The following NSG1 variants were observed in gnomAD, a reference collection of about 807,000 sequenced individuals.
NSG1 encodes the protein neuronal vesicle trafficking associated 1, also known as neuronal vesicle trafficking-associated protein 1.
A neutral mutation model predicts 19.3 loss-of-function variants in NSG1; 9 were observed. The ratio of observed to expected loss-of-function variants is 0.47; its 90% CI spans 0.28 to 0.81. NSG1 has a LOEUF of 0.81. NSG1 is among the 40% of genes least tolerant of loss of function. The probability of loss-of-function intolerance (pLI) is 0.11; values close to 1 mark genes in which losing one functional copy is unlikely to be tolerated. For missense variants in NSG1, 236 were observed against 242.4 expected, an observed-to-expected ratio of 0.97 and a Z score of 0.18; for synonymous variants, 104 against 107.0, an observed-to-expected ratio of 0.97 and a Z score of 0.17.
chr4:4,406,926 C>T (rs1380447122), intron 3 of NSG1, among the ~76,000 whole-genome samples: 1 of 152,230 alleles, frequency 6.6e-6, no homozygotes, highest in Non-Finnish European at 1.5e-5. Context: ...CCTCAGACGG[C>T]TGCGCCTTCT....
At chr4:4,403,523 C>G (rs1723681939) in intron 3 of NSG1, among the ~76,000 whole-genome samples, 1 of 152,210 alleles carries the variant, frequency 6.6e-6, no homozygotes, top group African/African-American at 2.4e-5. Context: ...CCCTCTGCTC[C>G]CCTGCTAGGA....
chr4:4,397,129 ATCT>A (rs1479433967), intron 3 of NSG1, among the ~76,000 whole-genome samples: 1 of 148,268 alleles, frequency 6.7e-6, no homozygotes, highest in Non-Finnish European at 1.5e-5. Context: ...GTCGGGATTC[ATCT>A]TCTTTTTCCA....
rs571185906 is a variant in NSG1, at chr4:4,416,143, C to T, written c.358-1092C>T. The T allele has an allele frequency of 1.2e-3, 829 of 702,300 alleles. 6 individuals are homozygous for T. Among genetic ancestry groups the T allele is most frequent in the South Asian group, 6.5e-3 (439 of 67,566 alleles). 43.5% of individuals were successfully genotyped at this position (702,300 alleles called of 1,614,324 possible). A position where few individuals can be genotyped will look rare whatever the true frequency, so the allele number is the denominator to read the frequency against. On this transcript the variant is annotated intron_variant, in intron 4 of 4. Coordinates refer to ENST00000621129, the MANE Select transcript of NSG1 (RefSeq NM_014392.5). ...CAACACGGTGGTGTGACTCATTGGC[C>T]GCATTTTATAGGTGAGGGACCTGAG...
At chr4:4,396,868 TC>T (rs1409211980) in intron 3 of NSG1, among the ~76,000 whole-genome samples, 7 of 151,564 alleles carry the variant, frequency 4.6e-5, no homozygotes, top group Non-Finnish European at 7.4e-5. Context: ...TGGGGGTTCT[TC>T]CCGTGGGGGT....
intron 3 of NSG1, among the ~76,000 whole-genome samples, chr4:4,402,616 C>G (rs377484793): frequency 1.3e-4 from 20 of 151,872 alleles, no homozygotes; most frequent in African/African-American, 4.8e-4. Flanking sequence ...TCTCGATCTC[C>G]TGACCTCGTG....
intron 4 of NSG1, among the ~76,000 whole-genome samples, chr4:4,414,907 G>A (rs1017825666): frequency 6.6e-6 from 1 of 151,928 alleles, no homozygotes; most frequent in African/African-American, 2.4e-5. Flanking sequence ...GGGTGAAAAA[G>A]GCAGACGTGG....
chr4:4,390,231 G>A (rs1377484871), intron 2 of NSG1, among the ~76,000 whole-genome samples: 1 of 152,234 alleles, frequency 6.6e-6, no homozygotes, highest in African/African-American at 2.4e-5. Context: ...GTGCCTCACA[G>A]GGGTGGGTGC....
At chr4:4,393,647 T>C (rs999712165) in intron 3 of NSG1, among the ~76,000 whole-genome samples, 3 of 152,198 alleles carry the variant, frequency 2.0e-5, no homozygotes, top group Non-Finnish European at 4.4e-5. Context: ...CTTAGTTTTC[T>C]TTTCCTCCTT....
chr4:4,391,387 C>G, intron 2 of NSG1, 88 bp from the exon 3 acceptor site: 1 of 777,108 alleles, frequency 1.3e-6, no homozygotes, highest in Non-Finnish European at 2.1e-6. Context: ...CAAATGGTGA[C>G]TTTGAATATG....
At chr4:4,413,531 G>C (rs1316831556) in intron 4 of NSG1, among the ~76,000 whole-genome samples, 1 of 151,366 alleles carries the variant, frequency 6.6e-6, no homozygotes, top group Non-Finnish European at 1.5e-5. Flanking sequence ...GGGCAGTGCT[G>C]GCCCTGACCC....
intron 3 of NSG1, among the ~76,000 whole-genome samples, chr4:4,404,130 CCT>C (rs1723719959): frequency 6.6e-6 from 1 of 152,332 alleles, no homozygotes; most frequent in East Asian, 1.9e-4. Flanking sequence ...ATGGCCGCCA[CCT>C]CTCTTTTTGC....
At chr4:4,395,035 A>G (rs981497332) in intron 3 of NSG1, among the ~76,000 whole-genome samples, 1 of 152,214 alleles carries the variant, frequency 6.6e-6, no homozygotes, top group African/African-American at 2.4e-5. Flanking sequence ...ACTTCAGCCC[A>G]CTAGCTTGCC....
intron 3 of NSG1, among the ~76,000 whole-genome samples, chr4:4,402,371 A>ATTTTTTTTTTTTTT (rs1161754574): frequency 1.9e-5 from 1 of 53,952 alleles, no homozygotes; most frequent in African/African-American, 6.1e-5. Context: ...ACGCCTGGTT[A>ATTTTTTTTTTTTTT]TTTTTTTTTT....
chr4:4,415,821 TGAC>T, intron 4 of NSG1: 1 of 397,224 alleles, frequency 2.5e-6, no homozygotes, highest in Non-Finnish European at 4.6e-6. Flanking sequence ...CCCTGAGGGA[TGAC>T]GAGCAGCAGA....
At chr4:4,395,083 C>G (rs1173172428) in intron 3 of NSG1, among the ~76,000 whole-genome samples, 1 of 152,220 alleles carries the variant, frequency 6.6e-6, no homozygotes, top group Non-Finnish European at 1.5e-5. Flanking sequence ...AGCTGAACAA[C>G]TTGCATTCTA....
chr4:4,392,668 G>T (rs1481635932), intron 3 of NSG1, among the ~76,000 whole-genome samples: 2 of 152,194 alleles, frequency 1.3e-5, no homozygotes, highest in African/African-American at 4.8e-5. Flanking sequence ...CCTTCTTCCC[G>T]TTGCCACACA....
intron 4 of NSG1, chr4:4,416,079 TCTTTA>T (rs1004342991): frequency 2.8e-6 from 2 of 702,374 alleles, no homozygotes; most frequent in Admixed American, 2.0e-5. Flanking sequence ...CATCCTGGCT[TCTTTA>T]CTTGAGCCAC....
At position 4,417,604 on chromosome 4, in the gene NSG1, G is replaced by A. The variant is rs1411323771; in HGVS notation, c.*169G>A. 2.3e-5 allele frequency: 15 copies of A among 652,008 alleles called. No homozygotes were observed. Among genetic ancestry groups the A allele is most frequent in the Non-Finnish European group, 3.7e-5 (14 of 383,120 alleles). The allele number at this position is 652,008 out of a possible 1,614,324, so 40.4% of individuals were successfully genotyped here. A position where few individuals can be genotyped will look rare whatever the true frequency, so the allele number is the denominator to read the frequency against. The stretch of plus-strand genomic sequence containing the variant: ...ATAAAACTTGCTGCCGACCACCCAC[G>A]GGCATAAAATCAAGTGCATTTCAGC... On this transcript the variant is annotated 3_prime_UTR_variant, in exon 5 of 5. Transcript: ENST00000621129.
intron 3 of NSG1, among the ~76,000 whole-genome samples, chr4:4,394,133 C>T (rs1560139919): frequency 6.6e-6 from 1 of 152,222 alleles, no homozygotes; most frequent in Non-Finnish European, 1.5e-5. Flanking sequence ...CCTTGGCAGC[C>T]TGCTCTTGGC....
Sources: allele counts gnomAD v4.1 joint callset (sites outside exome capture counted in the v4.1 genomes callset), GRCh38; gene constraint gnomAD v4.1.1; transcripts MANE v1.5; gene names NCBI Gene and HGNC (gene_info 2026-07-23, HGNC 2026-07-21).